Variants in MTUS2 observed in about 807,000 individuals in gnomAD.
MTUS2 encodes microtubule-associated tumor suppressor candidate 2.
Under a neutral mutation model 114.1 loss-of-function variants are expected in MTUS2, and 40 were observed. The observed-to-expected ratio is 0.35, with a 90% CI of 0.27 to 0.46. The LOEUF (loss-of-function observed/expected upper bound fraction) is 0.46, where lower values mean the gene tolerates loss of function less well. Ranked by LOEUF, MTUS2 falls within the 20% of genes least tolerant of loss-of-function variation. The probability of loss-of-function intolerance (pLI) is 1.00; values close to 1 mark genes in which losing one functional copy is unlikely to be tolerated. For synonymous variants in MTUS2, 688 were observed against 672.0 expected (o/e 1.02, Z -0.37); for missense variants, 1,679 against 1,705.4 (o/e 0.98, Z 0.27).
chr13:28,974,171 G>A (rs1883983290), intron 2 of MTUS2, among the ~76,000 whole-genome samples: 1 of 152,176 alleles, frequency 6.6e-6, no homozygotes, highest in African/African-American at 2.4e-5. Flanking sequence ...TCCGTGGTGG[G>A]CTCTGCAGGG....
chr13:28,841,662 T>TTGTGTG (rs35199086), intron 2 of MTUS2, among the ~76,000 whole-genome samples: 10 of 150,346 alleles, frequency 6.7e-5, no homozygotes, highest in African/African-American at 2.4e-4. Flanking sequence ...AGTTAGTTCT[T>TTGTGTG]TGTGTGTGTG....
chr13:29,176,484 T>C (rs190794307), intron 5 of MTUS2, among the ~76,000 whole-genome samples: 1 of 152,304 alleles, frequency 6.6e-6, no homozygotes, highest in East Asian at 1.9e-4. Context: ...CTTAGTCCAC[T>C]TGGGCTGCTC....
At chr13:28,846,794 A>G (rs915435470) in intron 2 of MTUS2, among the ~76,000 whole-genome samples, 2 of 152,248 alleles carry the variant, frequency 1.3e-5, no homozygotes, top group South Asian at 2.1e-4. Flanking sequence ...TTGATAGTCT[A>G]TGAAACTCAC....
chr13:29,476,979 AT>A (rs1880750093), intron 9 of MTUS2: 1 of 152,220 alleles, frequency 6.6e-6, no homozygotes, highest in African/African-American at 2.4e-5. Flanking sequence ...TGCTTTAGTT[AT>A]CCCATCCACA....
At chr13:28,975,432 G>A (rs952327940) in intron 2 of MTUS2, among the ~76,000 whole-genome samples, 7 of 149,612 alleles carry the variant, frequency 4.7e-5, no homozygotes, top group African/African-American at 1.5e-4. Flanking sequence ...TGGCTTCTTC[G>A]GCAGTTTACT....
intron 4 of MTUS2, among the ~76,000 whole-genome samples, chr13:29,053,747 G>A (rs1888006722): frequency 6.6e-6 from 1 of 152,084 alleles, no homozygotes; most frequent in Non-Finnish European, 1.5e-5. Flanking sequence ...TGCATTTGTA[G>A]TTCATTCCTT....
In MTUS2 at chr13:29,501,002, T is replaced by C. The variant is rs1882863530; in HGVS notation, c.3799-95T>C. 43 of 926,310 alleles carry C rather than the reference T, an allele frequency of 4.6e-5. No homozygotes were observed. The South Asian group carries it at 6.6e-4, about 14-fold the overall frequency. The allele number at this position is 926,310 out of a possible 1,614,324, so 57.4% of individuals were successfully genotyped here. A position where few individuals can be genotyped will look rare whatever the true frequency, so the allele number is the denominator to read the frequency against. On this transcript the variant is annotated intron_variant, in intron 14 of 15. Transcript: ENST00000612955. The stretch of plus-strand genomic sequence containing the variant: ...CGAACTGATGTTTGCAAAATGCTGT[T>C]CTTGATAATCCTCCAATGCCCAGAG...
chr13:29,039,778 C>A (rs1887265299), intron 4 of MTUS2, among the ~76,000 whole-genome samples: 1 of 152,172 alleles, frequency 6.6e-6, no homozygotes, highest in Non-Finnish European at 1.5e-5. Flanking sequence ...GTGTTTCATT[C>A]TTCTAGGATG....
intron 5 of MTUS2, among the ~76,000 whole-genome samples, chr13:29,200,700 A>G (rs1234054052): frequency 6.6e-6 from 1 of 151,690 alleles, no homozygotes; most frequent in African/African-American, 2.4e-5. Flanking sequence ...TTGTATTTTT[A>G]GTAGGGACAG....
chr13:29,201,850 G>C (rs1250115513), intron 5 of MTUS2, among the ~76,000 whole-genome samples: 1 of 152,208 alleles, frequency 6.6e-6, no homozygotes, highest in East Asian at 1.9e-4. Context: ...CTTCTGGCTT[G>C]TATGGTTTCT....
chr13:28,845,331 T>G, intron 2 of MTUS2, among the ~76,000 whole-genome samples: 1 of 152,222 alleles, frequency 6.6e-6, no homozygotes, highest in East Asian at 1.9e-4. Flanking sequence ...TTTTGTCTGT[T>G]TATTCACTAC....
intron 7 of MTUS2, among the ~76,000 whole-genome samples, chr13:29,330,212 T>TG (rs1313158084): frequency 1.3e-5 from 2 of 152,216 alleles, no homozygotes; most frequent in African/African-American, 4.8e-5. Flanking sequence ...TTTTTACATG[T>TG]GTTTGTTGGC....
intron 9 of MTUS2, among the ~76,000 whole-genome samples, chr13:29,460,976 AG>A (rs1337371333): frequency 6.6e-6 from 1 of 151,980 alleles, no homozygotes; most frequent in Non-Finnish European, 1.5e-5. Context: ...TTTCTAAACC[AG>A]GTAGTTTCTT....
chr13:29,223,611 C>G (rs1281940167), intron 5 of MTUS2, among the ~76,000 whole-genome samples: 1 of 152,216 alleles, frequency 6.6e-6, no homozygotes, highest in East Asian at 1.9e-4. Flanking sequence ...GCTCACCCTC[C>G]ACCTCTCCAT....
chr13:29,421,683 A>G (rs563591873), intron 8 of MTUS2, among the ~76,000 whole-genome samples: 47 of 152,346 alleles, frequency 3.1e-4, no homozygotes, highest in Non-Finnish European at 4.9e-4. Context: ...ACAAAGATAG[A>G]CAATTATTAT....
At chr13:28,893,407 C>T (rs913557537) in intron 2 of MTUS2, among the ~76,000 whole-genome samples, 5 of 152,072 alleles carry the variant, frequency 3.3e-5, no homozygotes, top group African/African-American at 7.2e-5. Context: ...CAAACATAGA[C>T]GGGAAGTGGC....
chr13:29,371,225 C>T (rs906362047), intron 8 of MTUS2, among the ~76,000 whole-genome samples: 1 of 151,130 alleles, frequency 6.6e-6, no homozygotes, highest in Admixed American at 6.6e-5. Flanking sequence ...ACCACCCCCC[C>T]CCCCTTTTTT....
chr13:29,346,346 G>T (rs1240745385), intron 7 of MTUS2, among the ~76,000 whole-genome samples: 1 of 152,128 alleles, frequency 6.6e-6, no homozygotes, highest in Non-Finnish European at 1.5e-5. Flanking sequence ...GCATGTCTGG[G>T]CTCAGACTCT....
At chr13:29,112,918 A>G (rs4238115) in intron 5 of MTUS2, among the ~76,000 whole-genome samples, 101,544 of 152,004 alleles carry the variant, frequency 0.67, 34,552 homozygotes, top group Non-Finnish European at 0.74. Flanking sequence ...ACATGGGATT[A>G]CATAAAGAGG....
Sources: allele counts gnomAD v4.1 joint callset (sites outside exome capture counted in the v4.1 genomes callset), GRCh38; gene constraint gnomAD v4.1.1; transcripts MANE v1.5; gene names NCBI Gene and HGNC (gene_info 2026-07-23, HGNC 2026-07-21).